Variants in TDRD9 observed in about 807,000 individuals in gnomAD.
TDRD9 encodes ATP-dependent RNA helicase TDRD9.
Under a neutral mutation model 172.6 loss-of-function variants are expected in TDRD9, and 124 were observed. That is an observed-to-expected ratio of 0.72 (90% CI 0.62 to 0.83). The LOEUF (loss-of-function observed/expected upper bound fraction) is 0.83. Ranked by LOEUF, TDRD9 falls within the 40% of genes least tolerant of loss-of-function variation. TDRD9 has a pLI of 0.00. For synonymous variants in TDRD9, 619 were observed against 617.1 expected (o/e 1.00, Z -0.05); for missense variants, 1,479 against 1,714.1 (o/e 0.86, Z 2.42).
rs555577466 is a variant in TDRD9, at chr14:103,941,953, T to C, written c.215+13229T>C. On this transcript the variant is annotated intron_variant, in intron 1 of 35. Coordinates refer to ENST00000409874, the MANE Select transcript of TDRD9 (RefSeq NM_153046.3). ...GATATACAAAGTCAGAGATAACATA[T>C]AGACTGAATGATATCCGAAAATAAC... The C allele has an allele frequency of 1.5e-3, 656 of 449,818 alleles. 1 individual carries two copies. The highest frequency in any genetic ancestry group is 2.1e-3 in the Non-Finnish European group (544 of 255,804). 27.9% of individuals were successfully genotyped at this position (449,818 alleles called of 1,614,324 possible).
intron 25 of TDRD9, 30 bp downstream of exon 25, chr14:104,024,710 C>T: frequency 8.0e-7 from 1 of 1,247,904 alleles, no homozygotes; most frequent in Non-Finnish European, 1.2e-6. Context: ...GCTTTTCCTT[C>T]TTCTTAATCT....
chr14:103,987,123 T>TATAC (rs1167102708), intron 8 of TDRD9, among the ~76,000 whole-genome samples: 19 of 145,800 alleles, frequency 1.3e-4, no homozygotes, highest in East Asian at 8.1e-4. Flanking sequence ...AAAAAATATA[T>TATAC]ACACACACAC....
Position 103,966,765 on chromosome 14 carries a change from A to G in TDRD9, c.699A>G (p.Gly233=), listed in dbSNP as rs2032768227. ...EDTRLIYMTT[G]VLLQKIVSAK... Reference sequence around the variant, plus strand: ...CCAGGCTAATTTATATGACAACTGGAGTCCTGCTTCAGAAAATAGTTAGTG... The same window carrying G: ...CCAGGCTAATTTATATGACAACTGGGGTCCTGCTTCAGAAAATAGTTAGTG... The change falls in exon 5 of 36, where the codon GGA becomes GGG. Residue 233 remains glycine, a synonymous_variant. Coordinates refer to ENST00000409874, the MANE Select transcript of TDRD9 (RefSeq NM_153046.3). 1.3e-6 allele frequency: 2 copies of G among 1,551,116 alleles called. No individual in the cohort carries two copies. Among genetic ancestry groups the G allele is most frequent in the South Asian group, 1.2e-5 (1 of 84,028 alleles).
At chr14:103,968,711 G>T (rs1288676208) in intron 5 of TDRD9, among the ~76,000 whole-genome samples, 1 of 139,742 alleles carries the variant, frequency 7.2e-6, no homozygotes, top group Non-Finnish European at 1.5e-5. Flanking sequence ...CAGGAGAATG[G>T]CGTGAACCCG....
At chr14:103,943,415 A>G (rs2031368485) in intron 1 of TDRD9, among the ~76,000 whole-genome samples, 1 of 150,996 alleles carries the variant, frequency 6.6e-6, no homozygotes, top group East Asian at 1.9e-4. Flanking sequence ...ATGTATATAT[A>G]CACATAAGTA....
chr14:103,986,094 G>T (rs2033648651), intron 7 of TDRD9, 123 bp from the exon 8 acceptor site: 3 of 723,782 alleles, frequency 4.1e-6, no homozygotes, highest in African/African-American at 3.6e-5. Flanking sequence ...TAAAAACCAA[G>T]AACTTTTATT....
chr14:103,990,957 C>T (rs1305086005), intron 8 of TDRD9, among the ~76,000 whole-genome samples: 1 of 152,204 alleles, frequency 6.6e-6, no homozygotes, highest in Non-Finnish European at 1.5e-5. Context: ...AGTCAAAAGG[C>T]TTAAGTCCCC....
At chr14:104,016,635 A>T (rs542845988) in intron 22 of TDRD9, among the ~76,000 whole-genome samples, 2 of 152,314 alleles carry the variant, frequency 1.3e-5, no homozygotes, top group African/African-American at 4.8e-5. Context: ...ATATCTAATG[A>T]TCAGCCACAG....
intron 1 of TDRD9, chr14:103,941,141 A>AT: frequency 1.4e-6 from 2 of 1,443,184 alleles, no homozygotes; most frequent in Non-Finnish European, 1.9e-6. Context: ...AGTTTAGAAC[A>AT]TTTTTTGTTA....
Position 103,990,532 on chromosome 14 carries a change from C to T in TDRD9, c.1116-628C>T, listed in dbSNP as rs145045650. Among the ~76,000 whole-genome samples, 166 of 152,342 alleles carry T rather than the reference C, an allele frequency of 1.1e-3. 2 individuals are homozygous for T. The highest frequency in any genetic ancestry group is 9.7e-4 in the East Asian group (5 of 5,176). On this transcript the variant is annotated intron_variant, in intron 8 of 35. Coordinates refer to ENST00000409874, the MANE Select transcript of TDRD9 (RefSeq NM_153046.3). ...CCTTAGCACTGCTTACTGTGTTTCCCTGTGTGTCTCTTTAGGTCTTATTGC... is the reference window on the plus strand; with the variant it reads ...CCTTAGCACTGCTTACTGTGTTTCCTTGTGTGTCTCTTTAGGTCTTATTGC...
chr14:103,970,742 A>G, intron 6 of TDRD9, 121 bp downstream of exon 6: 1 of 724,030 alleles, frequency 1.4e-6, no homozygotes, highest in Non-Finnish European at 2.3e-6. Flanking sequence ...AGATACTAAA[A>G]TCTGAGGATC....
chr14:103,954,549 C>CTGA (rs1423299845), intron 1 of TDRD9, among the ~76,000 whole-genome samples: 1 of 152,144 alleles, frequency 6.6e-6, no homozygotes, highest in African/African-American at 2.4e-5. Context: ...TTTACATGTG[C>CTGA]TGATGTTTAA....
chr14:104,020,132 A>G (rs1172005039), intron 23 of TDRD9, among the ~76,000 whole-genome samples: 2 of 152,188 alleles, frequency 1.3e-5, no homozygotes, highest in Admixed American at 1.3e-4. Context: ...ACTTTGAGAC[A>G]GTCTTCTGGC....
At chr14:103,971,673 A>G (rs1026714974) in intron 6 of TDRD9, among the ~76,000 whole-genome samples, 4 of 152,130 alleles carry the variant, frequency 2.6e-5, no homozygotes, top group Non-Finnish European at 5.9e-5. Context: ...TGTGTAGTAC[A>G]CCAGATCTTG....
chr14:104,040,168 T>C, intron 32 of TDRD9, 28 bp from the exon 33 acceptor site: 3 of 1,397,332 alleles, frequency 2.1e-6, no homozygotes, highest in Non-Finnish European at 1.9e-6. Flanking sequence ...TCTGAAATAA[T>C]GGACTCTTCT....
intron 5 of TDRD9, among the ~76,000 whole-genome samples, chr14:103,968,771 G>A (rs1482380988): frequency 1.7e-4 from 4 of 23,820 alleles, no homozygotes; most frequent in African/African-American, 2.6e-4. Flanking sequence ...ACTCCAGCCT[G>A]GGCGACAGAG....
At chr14:103,959,915 C>T (rs181107810) in intron 2 of TDRD9, among the ~76,000 whole-genome samples, 42 of 152,288 alleles carry the variant, frequency 2.8e-4, no homozygotes, top group Admixed American at 2.4e-3. Flanking sequence ...TCCTGGGATA[C>T]AGTCTTTAGA....
intron 13 of TDRD9, among the ~76,000 whole-genome samples, chr14:104,002,604 A>T (rs1011818288): frequency 6.6e-6 from 1 of 152,208 alleles, no homozygotes; most frequent in African/African-American, 2.4e-5. Context: ...GGTGATTGGC[A>T]TAAGAGTGGG....
rs182499304 is a variant in TDRD9, at chr14:104,048,230, G to T, written c.3975-1378G>T. ...ACTGATGTCTGGGTTCTGCTGTTTT[G>T]TTATGTTTTTAATTTTAATTTTTAT... On this transcript the variant is annotated intron_variant, in intron 34 of 35. Coordinates refer to ENST00000409874, the MANE Select transcript of TDRD9 (RefSeq NM_153046.3). Among the ~76,000 whole-genome samples, 486 of 152,194 alleles carry T rather than the reference G, an allele frequency of 3.2e-3. 3 individuals are homozygous for T. Among genetic ancestry groups the T allele is most frequent in the African/African-American group, 0.011 (455 of 41,536 alleles).
Sources: allele counts gnomAD v4.1 joint callset (sites outside exome capture counted in the v4.1 genomes callset), GRCh38; gene constraint gnomAD v4.1.1; transcripts MANE v1.5; gene names NCBI Gene and HGNC (gene_info 2026-07-23, HGNC 2026-07-21).